The following OPHN1 variants were observed in gnomAD, a reference collection of about 807,000 sequenced individuals.
The protein encoded by OPHN1 is oligophrenin-1.
OPHN1 carries 11 observed loss-of-function variants against 60.7 expected under a neutral mutation model. The observed-to-expected ratio is 0.18, with a 90% confidence interval of 0.11 to 0.30. The LOEUF is 0.30. Ranked by LOEUF, OPHN1 falls within the 10% of genes least tolerant of loss-of-function variation. The probability of loss-of-function intolerance (pLI) is 1.00; values close to 1 mark genes in which losing one functional copy is unlikely to be tolerated. For synonymous variants in OPHN1, 226 were observed against 222.6 expected (o/e 1.02, Z -0.14); for missense variants, 449 against 611.0 (o/e 0.73, Z 2.80).
intron 15 of OPHN1, among the ~76,000 whole-genome samples, chrX:68,158,976 C>T (rs957066591): frequency 7.2e-5 from 8 of 111,336 alleles, no homozygotes; most frequent in Non-Finnish European, 1.3e-4. Flanking sequence ...CCAAGAAGAC[C>T]ACGGGTTACT....
chrX:68,061,012 A>G (rs2076890875), intron 21 of OPHN1, among the ~76,000 whole-genome samples: 1 of 111,538 alleles, frequency 9.0e-6, no homozygotes, highest in East Asian at 2.8e-4. Flanking sequence ...GTGAATAGAT[A>G]GTGTAGGTTA....
intron 2 of OPHN1, among the ~76,000 whole-genome samples, chrX:68,403,746 C>G (rs2078726675): frequency 1.8e-5 from 2 of 110,218 alleles, no homozygotes; most frequent in African/African-American, 6.6e-5. Flanking sequence ...CTCAAGAGAA[C>G]AAGGCAAAAG....
intron 15 of OPHN1, chrX:68,133,229 T>A: frequency 1.4e-6 from 1 of 713,727 alleles, no homozygotes; most frequent in Non-Finnish European, 2.2e-6. Context: ...TCCAGGTTCC[T>A]CATGGATGAA....
intron 3 of OPHN1, among the ~76,000 whole-genome samples, chrX:68,284,976 C>T (rs956908116): frequency 3.6e-5 from 4 of 112,116 alleles, no homozygotes; most frequent in Non-Finnish European, 7.5e-5. Flanking sequence ...GCGTTTTGAA[C>T]CCATATTGTT....
At chrX:68,124,242 C>T (rs2077160978) in intron 15 of OPHN1, among the ~76,000 whole-genome samples, 2 of 110,954 alleles carry the variant, frequency 1.8e-5, no homozygotes, top group Non-Finnish European at 3.8e-5. Flanking sequence ...AGGACATTTC[C>T]ACTAGACATA....
chrX:68,092,939 A>G (rs940770093), intron 19 of OPHN1, among the ~76,000 whole-genome samples: 2 of 111,523 alleles, frequency 1.8e-5, no homozygotes, highest in Admixed American at 1.9e-4. Flanking sequence ...ATGAATCATC[A>G]TATAATGAAT....
At chrX:68,056,495 T>C (rs765828346) in intron 21 of OPHN1, among the ~76,000 whole-genome samples, 106 of 111,929 alleles carry the variant, frequency 9.5e-4, no homozygotes, top group Non-Finnish European at 1.8e-3. Flanking sequence ...ACTATTCATG[T>C]GCACACATAT....
chrX:68,391,813 A>AG (rs2078654839), intron 2 of OPHN1, among the ~76,000 whole-genome samples: 1 of 111,370 alleles, frequency 9.0e-6, no homozygotes, highest in African/African-American at 3.3e-5. Context: ...TTAAAGATGG[A>AG]GGATGGCCCA....
intron 2 of OPHN1, among the ~76,000 whole-genome samples, chrX:68,338,193 G>A (rs1419855446): frequency 2.7e-5 from 3 of 111,385 alleles, no homozygotes; most frequent in Non-Finnish European, 5.6e-5. Flanking sequence ...GATCTAGATA[G>A]AAAATCAATA....
intron 3 of OPHN1, among the ~76,000 whole-genome samples, chrX:68,288,427 T>C (rs1433360715): frequency 2.7e-5 from 3 of 111,310 alleles, no homozygotes; most frequent in Non-Finnish European, 5.7e-5. Flanking sequence ...AATATCCTCA[T>C]ATTCACTCTC....
chrX:68,059,698 T>C (rs1252988241), intron 21 of OPHN1, among the ~76,000 whole-genome samples: 1 of 111,759 alleles, frequency 8.9e-6, no homozygotes, highest in Admixed American at 9.5e-5. Flanking sequence ...AATGGCTCTG[T>C]GACTGAGCAA....
chrX:68,370,506 CAAAA>C (rs768456592), intron 2 of OPHN1, among the ~76,000 whole-genome samples: 1 of 45,207 alleles, frequency 2.2e-5, no homozygotes, highest in Non-Finnish European at 4.2e-5. Flanking sequence ...GACTCCGTCT[CAAAA>C]AAAAAAAAAA....
intron 18 of OPHN1, among the ~76,000 whole-genome samples, chrX:68,109,534 C>T (rs1354730795): frequency 9.0e-6 from 1 of 111,335 alleles, no homozygotes. Flanking sequence ...TAGGTATATA[C>T]CTAGGAGTGG....
chrX:68,406,501 A>G (rs1433472282), intron 2 of OPHN1, among the ~76,000 whole-genome samples: 4 of 110,343 alleles, frequency 3.6e-5, no homozygotes, highest in Non-Finnish European at 7.6e-5. Context: ...AATCCCAGCT[A>G]CTCAGGAGGC....
intron 19 of OPHN1, among the ~76,000 whole-genome samples, chrX:68,089,822 T>A (rs758120399): frequency 1.8e-5 from 2 of 111,847 alleles, no homozygotes; most frequent in East Asian, 5.6e-4. Flanking sequence ...TATAAGTAAC[T>A]GGGCATTTGA....
chrX:68,245,637 T>G (rs2147539163), intron 5 of OPHN1, among the ~76,000 whole-genome samples: 1 of 111,772 alleles, frequency 8.9e-6, no homozygotes, highest in South Asian at 3.8e-4. Context: ...TGACTTTGTG[T>G]CCCATTTGAA....
chrX:68,419,081 C>T, intron 2 of OPHN1, among the ~76,000 whole-genome samples: 1 of 110,264 alleles, frequency 9.1e-6, no homozygotes, highest in South Asian at 3.9e-4. Context: ...GATCTCGGCT[C>T]ACTGCAACCT....
chrX:68,333,688 G>C (rs200656525), intron 2 of OPHN1, among the ~76,000 whole-genome samples: 3 of 104,318 alleles, frequency 2.9e-5, no homozygotes, highest in East Asian at 3.0e-4. Context: ...CACACACACA[G>C]ACACACACAC....
intron 21 of OPHN1, among the ~76,000 whole-genome samples, chrX:68,057,359 C>T (rs1470187095): frequency 4.5e-5 from 5 of 111,775 alleles, no homozygotes; most frequent in Non-Finnish European, 9.4e-5. Flanking sequence ...TGCTTCCTCA[C>T]TGCACCCCAC....
Sources: allele counts gnomAD v4.1 joint callset (sites outside exome capture counted in the v4.1 genomes callset), GRCh38; gene constraint gnomAD v4.1.1; transcripts MANE v1.5; gene names NCBI Gene and HGNC (gene_info 2026-07-23, HGNC 2026-07-21).